ITSN1: variants seen among roughly 807,000 people sequenced by gnomAD.
ITSN1 encodes the protein intersectin 1, also known as intersectin-1.
In ITSN1, 58 loss-of-function variants were observed where a neutral mutation model predicts 239.8. The ratio of observed to expected loss-of-function variants is 0.24; its 90% CI spans 0.20 to 0.30. ITSN1 has a LOEUF of 0.30. Ranked by LOEUF, ITSN1 falls within the 10% of genes least tolerant of loss-of-function variation. The pLI, the probability that ITSN1 is intolerant of heterozygous loss-of-function variation, is 1.00. For synonymous variants in ITSN1, 780 were observed against 770.8 expected, an observed-to-expected ratio of 1.01 and a Z score of -0.20; for missense variants, 1,558 against 2,103.3, an observed-to-expected ratio of 0.74 and a Z score of 5.07.
intron 1 of ITSN1, among the ~76,000 whole-genome samples, chr21:33,679,016 G>A (rs2090768324): frequency 6.6e-6 from 1 of 152,184 alleles, no homozygotes; most frequent in South Asian, 2.1e-4. Flanking sequence ...ATAGCATAAT[G>A]ATTTTTCACA....
At chr21:33,794,229 C>T (rs1569192066) in intron 16 of ITSN1, 112 bp from the exon 17 acceptor site, 5 of 768,974 alleles carry the variant, frequency 6.5e-6, no homozygotes, top group East Asian at 5.1e-5. Context: ...AACTCTGAAA[C>T]GTTATCTCCT....
chr21:33,827,421 T>C (rs867557767), intron 26 of ITSN1, among the ~76,000 whole-genome samples: 1 of 151,856 alleles, frequency 6.6e-6, no homozygotes, highest in Non-Finnish European at 1.5e-5. Flanking sequence ...TAAAATAAAA[T>C]AAAATAAATA....
intron 1 of ITSN1, among the ~76,000 whole-genome samples, chr21:33,681,068 A>C (rs1281085038): frequency 1.3e-5 from 2 of 152,184 alleles, no homozygotes; most frequent in South Asian, 4.1e-4. Context: ...CTCATACTTC[A>C]TTGGCCAAAA....
At chr21:33,683,985 G>A (rs144249041) in intron 1 of ITSN1, among the ~76,000 whole-genome samples, 86 of 152,240 alleles carry the variant, frequency 5.6e-4, no homozygotes, top group African/African-American at 2.0e-3. Flanking sequence ...AGAGAGGAAA[G>A]GGGGAAAAAA....
intron 11 of ITSN1, among the ~76,000 whole-genome samples, chr21:33,769,619 T>C (rs2147757881): frequency 6.6e-6 from 1 of 152,040 alleles, no homozygotes; most frequent in South Asian, 2.1e-4. Flanking sequence ...GTTTTTTTGC[T>C]CACATGGGAT....
chr21:33,702,017 A>G (rs539100231), intron 1 of ITSN1, among the ~76,000 whole-genome samples: 124 of 150,526 alleles, frequency 8.2e-4, no homozygotes, highest in African/African-American at 2.7e-3. Flanking sequence ...GCAATGAGCC[A>G]AGATTGCACC....
In ITSN1 at chr21:33,843,218, T is replaced by C. The variant is rs149168983; in HGVS notation, c.3661+6586T>C. 1.4e-4 allele frequency among the ~76,000 whole-genome samples: 22 copies of C among 152,326 alleles called. No individual in the cohort carries two copies. The East Asian group carries it at 4.0e-3, about 28-fold the overall frequency. ...AGGCGTACCATTTGATGCACAGATCTATGGACATGTGTGTCCATAATAGCC... is the reference window on the plus strand; with the variant it reads ...AGGCGTACCATTTGATGCACAGATCCATGGACATGTGTGTCCATAATAGCC... On this transcript the variant is annotated intron_variant, in intron 29 of 39. Transcript: ENST00000381318.
intron 1 of ITSN1, among the ~76,000 whole-genome samples, chr21:33,686,513 T>C (rs1408310060): frequency 6.6e-6 from 1 of 152,122 alleles, no homozygotes; most frequent in Non-Finnish European, 1.5e-5. Context: ...GCAAGGTAAT[T>C]GAACTGTGCT....
intron 29 of ITSN1, among the ~76,000 whole-genome samples, chr21:33,851,407 T>C (rs1432284106): frequency 6.7e-6 from 1 of 148,960 alleles, no homozygotes; most frequent in East Asian, 2.0e-4. Context: ...CTTTTTTTTC[T>C]TTTTTTTTTG....
At chr21:33,722,687 A>G (rs1259614362) in intron 4 of ITSN1, 36 bp downstream of exon 4, 10 of 1,524,194 alleles carry the variant, frequency 6.6e-6, no homozygotes, top group Non-Finnish European at 4.4e-6. Context: ...TTACATAAGC[A>G]TAAGGCAAAA....
intron 7 of ITSN1, among the ~76,000 whole-genome samples, chr21:33,752,722 C>A (rs938926775): frequency 1.5e-4 from 23 of 148,994 alleles, no homozygotes; most frequent in Non-Finnish European, 3.0e-5. Context: ...CTTGTCGATA[C>A]AAAAATTTAA....
At chr21:33,766,295 C>G (rs2068715611) in intron 10 of ITSN1, among the ~76,000 whole-genome samples, 2 of 152,138 alleles carry the variant, frequency 1.3e-5, no homozygotes, top group South Asian at 4.1e-4. Context: ...ACAACAGATG[C>G]CAGCAGCAAG....
At chr21:33,678,806 C>T (rs752462099) in intron 1 of ITSN1, among the ~76,000 whole-genome samples, 2 of 152,088 alleles carry the variant, frequency 1.3e-5, no homozygotes, top group Non-Finnish European at 2.9e-5. Flanking sequence ...CTCTGCCTCC[C>T]GGGTTTAAGC....
chr21:33,870,381 AG>A (rs565646610), intron 33 of ITSN1, among the ~76,000 whole-genome samples: 2 of 152,310 alleles, frequency 1.3e-5, no homozygotes, highest in East Asian at 1.9e-4. Context: ...AATATTTAAA[AG>A]GGGGAAAAAA....
chr21:33,683,931 G>A (rs559404897), intron 1 of ITSN1, among the ~76,000 whole-genome samples: 1 of 152,210 alleles, frequency 6.6e-6, no homozygotes, highest in South Asian at 2.1e-4. Flanking sequence ...TAATGTGCTT[G>A]TTTGCTATTG....
At chr21:33,703,199 GAAAT>G (rs1290039485) in intron 1 of ITSN1, among the ~76,000 whole-genome samples, 4 of 150,276 alleles carry the variant, frequency 2.7e-5, no homozygotes, top group Non-Finnish European at 4.4e-5. Context: ...TATATATAAA[GAAAT>G]AAAGTTGTTT....
chr21:33,827,475 A>G (rs933411575), intron 26 of ITSN1, among the ~76,000 whole-genome samples: 1 of 152,232 alleles, frequency 6.6e-6, no homozygotes, highest in Non-Finnish European at 1.5e-5. Flanking sequence ...GTTATAATAC[A>G]TGGAGCTGTA....
chr21:33,772,470 A>T, intron 12 of ITSN1, 147 bp downstream of exon 12: 1 of 973,730 alleles, frequency 1.0e-6, no homozygotes, highest in Non-Finnish European at 1.5e-6. Flanking sequence ...ATCGTCCCTA[A>T]TTCCAGAACA....
intron 23 of ITSN1, among the ~76,000 whole-genome samples, 191 bp from the exon 24 acceptor site, chr21:33,819,050 A>T (rs762054318): frequency 1.3e-5 from 2 of 151,550 alleles, no homozygotes; most frequent in Admixed American, 6.6e-5. Flanking sequence ...GCTGAAAAAT[A>T]AGAATGCGAG....
Sources: allele counts gnomAD v4.1 joint callset (sites outside exome capture counted in the v4.1 genomes callset), GRCh38; gene constraint gnomAD v4.1.1; transcripts MANE v1.5; gene names NCBI Gene and HGNC (gene_info 2026-07-23, HGNC 2026-07-21).